Variants in SCIMP observed in about 807,000 individuals in gnomAD.
SCIMP encodes SLP adapter and CSK-interacting membrane protein.
Under a neutral mutation model 22.0 loss-of-function variants are expected in SCIMP, and 18 were observed. The observed-to-expected ratio is 0.82, with a 90% confidence interval of 0.56 to 1.21. The LOEUF is 1.21. SCIMP is among the 50% of genes most tolerant of loss of function. SCIMP has a pLI of 0.00. For missense variants in SCIMP, 155 were observed against 171.2 expected, an observed-to-expected ratio of 0.91 and a Z score of 0.53; for synonymous variants, 53 against 62.2, an observed-to-expected ratio of 0.85 and a Z score of 0.70.
At chr17:5,213,202 A>G (rs1490036778) in intron 4 of SCIMP, 2 of 983,280 alleles carry the variant, frequency 2.0e-6, no homozygotes, top group South Asian at 4.7e-5. Flanking sequence ...TTACACCCTT[A>G]TATCAGGCTA....
At chr17:5,231,021 A>G (rs941822696) in intron 1 of SCIMP, among the ~76,000 whole-genome samples, 2 of 152,208 alleles carry the variant, frequency 1.3e-5, no homozygotes, top group Admixed American at 1.3e-4. Context: ...TTCCTGCTGG[A>G]TAACATCTCT....
chr17:5,221,723 T>C (rs778180735), intron 2 of SCIMP, among the ~76,000 whole-genome samples: 1 of 152,182 alleles, frequency 6.6e-6, no homozygotes, highest in African/African-American at 2.4e-5. Flanking sequence ...AAAAAGAAAG[T>C]AGGTGAAGTT....
At chr17:5,223,645 G>C in intron 1 of SCIMP, 189 bp from the exon 2 acceptor site, 2 of 532,636 alleles carry the variant, frequency 3.8e-6, no homozygotes, top group Non-Finnish European at 6.8e-6. Context: ...CACCTCCCGG[G>C]TTCAAGTGAT....
In SCIMP at chr17:5,209,028, GT is replaced by G. The variant is rs1250980149; in HGVS notation, c.*1772del. The G allele has an allele frequency of 6.6e-6, 1 of 152,160 alleles. No homozygotes were observed. The highest frequency in any genetic ancestry group is 1.5e-5 in the Non-Finnish European group (1 of 68,032). The allele number at this position is 152,160 out of a possible 1,614,324, so 9.4% of individuals were successfully genotyped here. The stretch of plus-strand genomic sequence containing the variant: ...CACTCCAATCCTTTGGCTTATTTTT[GT>G]TCTATAATTTGGGAAGAGTCCTCTC... On this transcript the variant is annotated 3_prime_UTR_variant, in exon 5 of 5. Coordinates refer to ENST00000574081, the MANE Select transcript of SCIMP (RefSeq NM_207103.3).
chr17:5,215,633 A>G (rs555521891), intron 3 of SCIMP, among the ~76,000 whole-genome samples: 1 of 152,168 alleles, frequency 6.6e-6, no homozygotes, highest in East Asian at 1.9e-4. Context: ...AAATAAAAAA[A>G]CAAAAAACAA....
Position 5,212,628 on chromosome 17 carries a change from C to T in SCIMP, c.284-1673G>A, listed in dbSNP as rs184606920. On this transcript the variant is annotated intron_variant, in intron 4 of 4. Coordinates refer to ENST00000574081, the MANE Select transcript of SCIMP (RefSeq NM_207103.3). ...CAGCCTGGGCGACAGACCGAGACTC[C>T]ATCTCAAAAAACAAACAAACAAAAA... Among the ~76,000 whole-genome samples, 313 of 151,716 alleles carry T rather than the reference C, an allele frequency of 2.1e-3. 4 individuals carry two copies. Among genetic ancestry groups the T allele is most frequent in the East Asian group, 0.011 (57 of 5,122 alleles).
intron 1 of SCIMP, 123 bp downstream of exon 1, chr17:5,234,612 G>T: frequency 1.0e-6 from 1 of 999,828 alleles, no homozygotes; most frequent in Non-Finnish European, 1.5e-6. Flanking sequence ...CAGGGCCCCA[G>T]GCTGCAATCC....
intron 3 of SCIMP, among the ~76,000 whole-genome samples, chr17:5,219,243 TG>T (rs1567839716): frequency 6.6e-6 from 1 of 151,988 alleles, no homozygotes; most frequent in Non-Finnish European, 1.5e-5. Context: ...CACTTGAACC[TG>T]GGAGGCAGAC....
chr17:5,230,174 A>G (rs2144346396), intron 1 of SCIMP, among the ~76,000 whole-genome samples: 1 of 152,296 alleles, frequency 6.6e-6, no homozygotes, highest in African/African-American at 2.4e-5. Context: ...ACTTGGAATA[A>G]GATGCTTAAC....
chr17:5,216,806 C>G (rs574705861), intron 3 of SCIMP, among the ~76,000 whole-genome samples: 3 of 152,328 alleles, frequency 2.0e-5, no homozygotes, highest in Non-Finnish European at 4.4e-5. Context: ...ATTTCTTGAT[C>G]TGGGTGCCAG....
chr17:5,215,145 A>G, intron 3 of SCIMP, 147 bp from the exon 4 acceptor site: 2 of 595,476 alleles, frequency 3.4e-6, no homozygotes, highest in Non-Finnish European at 6.1e-6. Flanking sequence ...TTTCCTTTGT[A>G]GGTCCTGGTT....
At chr17:5,212,629 A>G (rs2585276) in intron 4 of SCIMP, among the ~76,000 whole-genome samples, 130,663 of 152,168 alleles carry the variant, frequency 0.86, 56,827 homozygotes, top group Non-Finnish European at 0.92. Flanking sequence ...CCGAGACTCC[A>G]TCTCAAAAAA....
At chr17:5,234,713 C>T (rs747749121) in intron 1 of SCIMP, 22 bp downstream of exon 1, 1 of 1,611,342 alleles carries the variant, frequency 6.2e-7, no homozygotes, top group South Asian at 1.1e-5. Context: ...GAAACTGTCC[C>T]TTGGAAAGCT....
chr17:5,234,687 G>A (rs2074730440), intron 1 of SCIMP, 48 bp downstream of exon 1: 1 of 1,599,486 alleles, frequency 6.3e-7, no homozygotes, highest in Non-Finnish European at 8.5e-7. Flanking sequence ...GCAGATGTCT[G>A]CTGTGAAGAG....
At chr17:5,226,326 G>A (rs766904489) in intron 1 of SCIMP, among the ~76,000 whole-genome samples, 68 of 152,216 alleles carry the variant, frequency 4.5e-4, no homozygotes, top group Non-Finnish European at 5.3e-4. Context: ...GGGTTTCAAG[G>A]TCAAGGAAAT....
chr17:5,226,291 T>A (rs1211089065), intron 1 of SCIMP, among the ~76,000 whole-genome samples: 1 of 152,024 alleles, frequency 6.6e-6, no homozygotes, highest in East Asian at 1.9e-4. Flanking sequence ...CCATGTAGTG[T>A]AGCTTCCAAA....
chr17:5,218,648 T>G (rs1367562135), intron 3 of SCIMP, among the ~76,000 whole-genome samples: 2 of 152,034 alleles, frequency 1.3e-5, no homozygotes, highest in Non-Finnish European at 1.5e-5. Flanking sequence ...CCCAGTTTTA[T>G]TCTTAAAAAA....
chr17:5,210,976 C>T, intron 4 of SCIMP, 21 bp from the exon 5 acceptor site: 1 of 1,588,118 alleles, frequency 6.3e-7, no homozygotes, highest in Non-Finnish European at 8.5e-7. Context: ...CAAAAAGCTC[C>T]TTAGATGCAA....
At chr17:5,215,200 T>C in intron 3 of SCIMP, 1 of 520,850 alleles carries the variant, frequency 1.9e-6, no homozygotes, top group Non-Finnish European at 3.4e-6. Flanking sequence ...TCTGTAGCCC[T>C]GGAAATGGCT....
Sources: allele counts gnomAD v4.1 joint callset (sites outside exome capture counted in the v4.1 genomes callset), GRCh38; gene constraint gnomAD v4.1.1; transcripts MANE v1.5; gene names NCBI Gene and HGNC (gene_info 2026-07-23, HGNC 2026-07-21).